RALYL: variants seen among roughly 807,000 people sequenced by gnomAD.
The protein encoded by RALYL is RNA-binding Raly-like protein.
RALYL carries 29 observed loss-of-function variants against 35.1 expected under a neutral mutation model. That is an observed-to-expected ratio of 0.83 (90% CI 0.61 to 1.13). RALYL has a LOEUF of 1.13. Ranked by LOEUF, RALYL falls within the 50% of genes most tolerant of loss-of-function variation. The pLI is 0.00. For synonymous variants in RALYL, 120 were observed against 127.6 expected, an observed-to-expected ratio of 0.94 and a Z score of 0.40; for missense variants, 359 against 360.4, an observed-to-expected ratio of 1.00 and a Z score of 0.03.
chr8:84,753,884 G>A (rs1810690281), intron 2 of RALYL, among the ~76,000 whole-genome samples: 3 of 152,100 alleles, frequency 2.0e-5, no homozygotes, highest in South Asian at 4.2e-4. Context: ...TTTCTCTGAT[G>A]GCTAGTGATG....
At chr8:84,315,577 A>G (rs1386037803) in intron 1 of RALYL, among the ~76,000 whole-genome samples, 1 of 152,120 alleles carries the variant, frequency 6.6e-6, no homozygotes, top group African/African-American at 2.4e-5. Context: ...TGAACCATTC[A>G]CAAATTATTA....
chr8:84,339,497 T>G (rs1371272573), intron 1 of RALYL, among the ~76,000 whole-genome samples: 2 of 151,846 alleles, frequency 1.3e-5, no homozygotes, highest in Non-Finnish European at 2.9e-5. Flanking sequence ...ACCATCTAGT[T>G]GCAGGAAAAC....
chr8:84,253,176 GTTTTTTTTTTTTTTT>G (rs764942491), intron 1 of RALYL, among the ~76,000 whole-genome samples: 7 of 52,822 alleles, frequency 1.3e-4, no homozygotes, highest in Admixed American at 2.9e-4. Context: ...TAGTTCTGCA[GTTTTTTTTTTTTTTT>G]TTTTTTTTTT....
chr8:84,759,770 T>C (rs1045232509), intron 2 of RALYL, among the ~76,000 whole-genome samples: 1 of 152,230 alleles, frequency 6.6e-6, no homozygotes, highest in Non-Finnish European at 1.5e-5. Flanking sequence ...AAATTGATTA[T>C]TTCATCTTCT....
At chr8:84,634,092 G>A (rs962313665) in intron 2 of RALYL, among the ~76,000 whole-genome samples, 1 of 151,786 alleles carries the variant, frequency 6.6e-6, no homozygotes, top group Non-Finnish European at 1.5e-5. Flanking sequence ...CAACCTGACA[G>A]TGTTAACTTT....
chr8:84,911,745 T>C (rs1165489839), intron 8 of RALYL, among the ~76,000 whole-genome samples: 1 of 152,150 alleles, frequency 6.6e-6, no homozygotes, highest in Non-Finnish European at 1.5e-5. Context: ...TGGCTATAAA[T>C]CAAGGTTCCC....
chr8:84,706,978 A>G (rs1841332980), intron 2 of RALYL, among the ~76,000 whole-genome samples: 2 of 152,156 alleles, frequency 1.3e-5, no homozygotes, highest in Admixed American at 6.6e-5. Context: ...GTACTTTTTC[A>G]TTATTTCTTT....
chr8:84,467,972 C>CT (rs1225631237), intron 1 of RALYL, among the ~76,000 whole-genome samples: 1 of 135,916 alleles, frequency 7.4e-6, no homozygotes, highest in Admixed American at 7.4e-5. Context: ...CAACCCCTGC[C>CT]TTTTTTTGTT....
intron 1 of RALYL, among the ~76,000 whole-genome samples, chr8:84,401,228 C>CT (rs201273412): frequency 5.3e-5 from 8 of 151,860 alleles, no homozygotes; most frequent in Admixed American, 1.3e-4. Flanking sequence ...TTTTCTTCTT[C>CT]TTTTTTTTAA....
At chr8:84,731,483 T>C (rs948475231) in intron 2 of RALYL, among the ~76,000 whole-genome samples, 13 of 152,134 alleles carry the variant, frequency 8.5e-5, no homozygotes, top group Non-Finnish European at 2.9e-5. Context: ...GAAACGTCTT[T>C]CTCTTTACCT....
At chr8:84,537,094 C>G (rs988762383) in intron 2 of RALYL, among the ~76,000 whole-genome samples, 1 of 150,016 alleles carries the variant, frequency 6.7e-6, no homozygotes, top group Middle Eastern at 3.2e-3. Context: ...TTTAAAAACT[C>G]TATTCAGGGT....
chr8:84,817,208 C>T (rs1377906534), intron 4 of RALYL, among the ~76,000 whole-genome samples: 1 of 152,072 alleles, frequency 6.6e-6, no homozygotes, highest in Non-Finnish European at 1.5e-5. Flanking sequence ...GGTTTATTTT[C>T]TCCCTTTTCT....
intron 1 of RALYL, among the ~76,000 whole-genome samples, chr8:84,363,623 A>C (rs1228424002): frequency 6.6e-6 from 1 of 152,156 alleles, no homozygotes; most frequent in Admixed American, 6.6e-5. Flanking sequence ...CTTATAAGGG[A>C]GCATTGGCCT....
chr8:84,652,112 G>T (rs139129005), intron 2 of RALYL, among the ~76,000 whole-genome samples: 99 of 152,124 alleles, frequency 6.5e-4, no homozygotes, highest in African/African-American at 2.2e-3. Flanking sequence ...AAGACACTTT[G>T]CTGTCAAATG....
chr8:84,498,418 TC>T (rs2134171032), intron 1 of RALYL, among the ~76,000 whole-genome samples: 1 of 152,236 alleles, frequency 6.6e-6, no homozygotes, highest in East Asian at 1.9e-4. Flanking sequence ...TATTCATAAT[TC>T]CATTAATTAC....
At chr8:84,694,863 C>CAT (rs1372097928) in intron 2 of RALYL, among the ~76,000 whole-genome samples, 1 of 151,776 alleles carries the variant, frequency 6.6e-6, no homozygotes, top group African/African-American at 2.4e-5. Flanking sequence ...GTGTTTTGAA[C>CAT]ATCTACATGG....
intron 2 of RALYL, among the ~76,000 whole-genome samples, chr8:84,730,472 C>G (rs1197323213): frequency 6.6e-6 from 1 of 151,194 alleles, no homozygotes; most frequent in Non-Finnish European, 1.5e-5. Context: ...TGAAAACTGG[C>G]ACAAGACAGG....
At chr8:84,909,675 C>A (rs1256585000) in intron 8 of RALYL, among the ~76,000 whole-genome samples, 1 of 152,090 alleles carries the variant, frequency 6.6e-6, no homozygotes, top group East Asian at 1.9e-4. Flanking sequence ...AAATGACTTA[C>A]CTCTCTGTGC....
chr8:84,619,754 G>C (rs1020117675), intron 2 of RALYL, among the ~76,000 whole-genome samples: 1 of 151,536 alleles, frequency 6.6e-6, no homozygotes, highest in Admixed American at 6.6e-5. Context: ...TCCATGTTTA[G>C]CGCTTCCTTC....
Sources: allele counts gnomAD v4.1 joint callset (sites outside exome capture counted in the v4.1 genomes callset), GRCh38; gene constraint gnomAD v4.1.1; transcripts MANE v1.5; gene names NCBI Gene and HGNC (gene_info 2026-07-23, HGNC 2026-07-21).